TBR1: variants seen among roughly 807,000 people sequenced by gnomAD.
TBR1 encodes the protein T-box brain transcription factor 1, also known as T-box brain protein 1.
A neutral mutation model predicts 60.3 loss-of-function variants in TBR1; 7 were observed. The ratio of observed to expected loss-of-function variants is 0.12; its 90% CI spans 0.07 to 0.22. The LOEUF is 0.22. Among genes scored for constraint, TBR1 ranks in the 10% least tolerant of loss-of-function variants. The pLI is 1.00. For synonymous variants in TBR1, 417 were observed against 409.9 expected (o/e 1.02, Z -0.21); for missense variants, 616 against 936.8 (o/e 0.66, Z 4.47).
Position 161,423,934 on chromosome 2 carries a change from G to C in TBR1, c.1756G>C (p.Ala586Pro), listed in dbSNP as rs2105282735. 2 of 1,541,484 alleles carry C rather than the reference G, an allele frequency of 1.3e-6. No homozygotes were observed. Among genetic ancestry groups the C allele is most frequent in the East Asian group, 4.9e-5 (2 of 40,504 alleles). Residue 586 changes from alanine to proline, a missense_variant, in exon 6 of 6, where the codon GCC (alanine) becomes CCC (proline). Ala to Pro is a conservative substitution (Grantham distance 27). Coordinates refer to ENST00000389554, the MANE Select transcript of TBR1 (RefSeq NM_006593.4). ...AGANPYLGEE[A>P]EGLAAERSPL... ...CGCCAATCCCTACCTGGGCGAGGAG[G>C]CCGAGGGCCTGGCCGCCGAGCGCTC...
chr2:161,423,256 G>A (rs1237565227), intron 5 of TBR1, 113 bp from the exon 6 acceptor site: 12 of 709,490 alleles, frequency 1.7e-5, no homozygotes, highest in Non-Finnish European at 2.6e-5. Context: ...TGTAGATGGA[G>A]GGTGTGGGGG....
rs1221315498 is a variant in TBR1, at chr2:161,417,285, G to C, written c.692+183G>C. 3.0e-6 allele frequency: 2 copies of C among 660,246 alleles called. No individual in the cohort carries two copies. The highest frequency in any genetic ancestry group is 2.8e-5 in the East Asian group (1 of 35,406). The allele number at this position is 660,246 out of a possible 1,614,324, so 40.9% of individuals were successfully genotyped here. On this transcript the variant is annotated intron_variant, in intron 1 of 5. Transcript: ENST00000389554. This position sits in a 1 kb window ranked among gnomAD's most constrained non-coding sequence, Gnocchi z 5.3. ...ACCGCCAGGGTGATGTTGGTGGGGG[G>C]GACCCCGTTCTAGGAACATAGTGGG...
At chr2:161,423,326 G>T (rs750691918) in intron 5 of TBR1, 43 bp from the exon 6 acceptor site, 13 of 511,660 alleles carry the variant, frequency 2.5e-5, no homozygotes, top group Non-Finnish European at 2.8e-5. Context: ...AGGGACCTCC[G>T]CGCCACCCCT....
In TBR1 at chr2:161,424,472, A is replaced by C; in HGVS notation, c.*245A>C. On this transcript the variant is annotated 3_prime_UTR_variant, in exon 6 of 6. Coordinates refer to ENST00000389554, the MANE Select transcript of TBR1 (RefSeq NM_006593.4). This position sits in a 1 kb window ranked among gnomAD's most constrained non-coding sequence, Gnocchi z 4.4. ...TGTAAACCTTTTGGTTTTCCTACTT[A>C]CTCTTCTTCTGTGGAGTTATCCTCC... The C allele has an allele frequency of 3.2e-5, 15 of 467,558 alleles. No individual in the cohort carries two copies. The highest frequency in any genetic ancestry group is 1.1e-3 in the Middle Eastern group (2 of 1,796). 29.0% of individuals were successfully genotyped at this position (467,558 alleles called of 1,614,324 possible). A position where few individuals can be genotyped will look rare whatever the true frequency, so the allele number is the denominator to read the frequency against.
chr2:161,418,048 C>T, intron 2 of TBR1, 153 bp from the exon 3 acceptor site: 1 of 1,456,098 alleles, frequency 6.9e-7, no homozygotes, highest in Non-Finnish European at 9.0e-7. Flanking sequence ...AAAGAATGGC[C>T]TAAAAAAGCC....
At position 161,417,293 on chromosome 2, in the gene TBR1, T is replaced by C; in HGVS notation, c.692+191T>C. On this transcript the variant is annotated intron_variant, in intron 1 of 5. Transcript: ENST00000389554. The surrounding 1 kb of genome is among the most constrained non-coding windows in gnomAD (Gnocchi z 5.3). ...GGTGATGTTGGTGGGGGGGACCCCG[T>C]TCTAGGAACATAGTGGGAGAGCCAG... is the stretch of plus-strand genomic sequence containing the variant. 1.6e-6 allele frequency: 1 copy of C among 633,984 alleles called. No individual in the cohort carries two copies. The allele number at this position is 633,984 out of a possible 1,614,324, so 39.3% of individuals were successfully genotyped here.
chr2:161,422,286 T>C (rs959304847), intron 5 of TBR1: 8 of 152,260 alleles, frequency 5.3e-5, no homozygotes, highest in Non-Finnish European at 8.8e-5. Flanking sequence ...ATCCAACCCT[T>C]GGTTTCCTCT....
chr2:161,423,861 G>A lies in TBR1; in HGVS notation c.1683G>A (p.Val561=). The A allele has an allele frequency of 7.0e-7, 1 of 1,418,488 alleles. No individual in the cohort carries two copies. The highest frequency in any genetic ancestry group is 2.4e-4 in the Middle Eastern group (1 of 4,090). 87.9% of individuals were successfully genotyped at this position (1,418,488 alleles called of 1,614,324 possible). A position where few individuals can be genotyped will look rare whatever the true frequency, so the allele number is the denominator to read the frequency against. Residue 561 remains valine, a synonymous_variant, in exon 6 of 6, where the codon GTG becomes GTA. Transcript: ENST00000389554. ...PQYCGTKSGS[V]LPCWPNSAAA... is the part of the protein sequence containing the mutation. ...ACTGCGGCACCAAGTCGGGCTCGGT[G>A]CTGCCCTGCTGGCCCAACAGCGCCG...
intron 3 of TBR1, chr2:161,418,670 T>C (rs1684175243): frequency 1.6e-6 from 1 of 618,738 alleles, no homozygotes; most frequent in Non-Finnish European, 2.6e-6. Context: ...GGCTTCCCCC[T>C]TTTTTCCGGT....
chr2:161,420,300 G>A, intron 5 of TBR1, 43 bp downstream of exon 5: 1 of 1,539,842 alleles, frequency 6.5e-7, no homozygotes, highest in South Asian at 1.1e-5. Context: ...CTGTGGAATT[G>A]GGCTTTAGGT....
rs372064082 is a variant in TBR1, at chr2:161,416,382, G to A, written c.-29G>A. On this transcript the variant is annotated 5_prime_UTR_variant, in exon 1 of 6. Transcript: ENST00000389554. The surrounding 1 kb of genome is among the most constrained non-coding windows in gnomAD (Gnocchi z 6.1). ...AAATAGGACTTTAAAAACCAGGGAC[G>A]GGAGGGCGAGTGTTCAGGTTCTAGA... is the stretch of plus-strand genomic sequence containing the variant. 9.2e-6 allele frequency: 14 copies of A among 1,516,482 alleles called. No homozygotes were observed. The highest frequency in any genetic ancestry group is 1.2e-5 in the Non-Finnish European group (14 of 1,128,166). 93.9% of individuals were successfully genotyped at this position (1,516,482 alleles called of 1,614,324 possible).
intron 5 of TBR1, chr2:161,422,551 A>C (rs946089262): frequency 6.6e-6 from 1 of 152,256 alleles, no homozygotes; most frequent in African/African-American, 2.4e-5. Flanking sequence ...AGTACACTGT[A>C]GGTTTGCCCC....
In TBR1 at chr2:161,424,429, A is replaced by G; in HGVS notation, c.*202A>G. The stretch of plus-strand genomic sequence containing the variant: ...GCACAGCAGTCTCTGCAATTAGCTC[A>G]CCGACCTTCAACTTTGCTGTAAACC... On this transcript the variant is annotated 3_prime_UTR_variant, in exon 6 of 6. Transcript: ENST00000389554. The surrounding 1 kb of genome is among the most constrained non-coding windows in gnomAD (Gnocchi z 4.4). 1 of 593,682 alleles carries G rather than the reference A, an allele frequency of 1.7e-6. No individual in the cohort carries two copies. Among genetic ancestry groups the G allele is most frequent in the Non-Finnish European group, 2.9e-6 (1 of 345,628 alleles). 36.8% of individuals were successfully genotyped at this position (593,682 alleles called of 1,614,324 possible).
chr2:161,423,615 C>T lies in TBR1; in HGVS notation c.1437C>T (p.Pro479=). ...SPQQAEDPGA[P]SPQRWFVTPA... is the part of the protein sequence containing the mutation. The stretch of plus-strand genomic sequence containing the variant: ...AGCAGGCCGAGGACCCGGGCGCGCC[C>T]TCGCCGCAACGCTGGTTTGTGACGC... The change falls in exon 6 of 6, where the codon CCC becomes CCT. Residue 479 remains proline, a synonymous_variant. Transcript: ENST00000389554. 1 of 1,529,380 alleles carries T rather than the reference C, an allele frequency of 6.5e-7. No individual in the cohort carries two copies. The highest frequency in any genetic ancestry group is 8.7e-7 in the Non-Finnish European group (1 of 1,145,544). 94.7% of individuals were successfully genotyped at this position (1,529,380 alleles called of 1,614,324 possible).
intron 2 of TBR1, 160 bp from the exon 3 acceptor site, chr2:161,418,041 G>A (rs1684160463): frequency 6.9e-7 from 1 of 1,456,434 alleles, no homozygotes; most frequent in Admixed American, 2.8e-5. Flanking sequence ...TAGGAAGAAA[G>A]AATGGCCTAA....
At position 161,417,245 on chromosome 2, in the gene TBR1, A is replaced by G. The variant is rs1023948210; in HGVS notation, c.692+143A>G. The G allele has an allele frequency of 2.0e-5, 17 of 833,900 alleles. No homozygotes were observed. In the African/African-American group the frequency reaches 2.9e-4, roughly 14 times the overall value. The allele number at this position is 833,900 out of a possible 1,614,324, so 51.7% of individuals were successfully genotyped here. On this transcript the variant is annotated intron_variant, in intron 1 of 5. Coordinates refer to ENST00000389554, the MANE Select transcript of TBR1 (RefSeq NM_006593.4). This position sits in a 1 kb window ranked among gnomAD's most constrained non-coding sequence, Gnocchi z 5.3. ...GAGTTGGCTAGTTTTGGAAAGGGGGAAAGTGGAAGGGATAACCGCCAGGGT... is the reference window on the plus strand; with the variant it reads ...GAGTTGGCTAGTTTTGGAAAGGGGGGAAGTGGAAGGGATAACCGCCAGGGT...
Position 161,424,741 on chromosome 2 carries a change from G to A in TBR1, c.*514G>A, listed in dbSNP as rs1684295339. 2 of 153,552 alleles carry A rather than the reference G, an allele frequency of 1.3e-5. No individual in the cohort carries two copies. 9.5% of individuals were successfully genotyped at this position (153,552 alleles called of 1,614,324 possible). A position where few individuals can be genotyped will look rare whatever the true frequency, so the allele number is the denominator to read the frequency against. Reference sequence around the variant, plus strand: ...GGTAGGGATGTTAATAATTTTAGTGGAACAAAGCCTGTGAAATGATTGTAC... The same window carrying A: ...GGTAGGGATGTTAATAATTTTAGTGAAACAAAGCCTGTGAAATGATTGTAC... On this transcript the variant is annotated 3_prime_UTR_variant, in exon 6 of 6. Transcript: ENST00000389554. This position sits in a 1 kb window ranked among gnomAD's most constrained non-coding sequence, Gnocchi z 4.4.
chr2:161,416,769 C>T lies in TBR1; in HGVS notation c.359C>T (p.Pro120Leu). The T allele has an allele frequency of 1.9e-6, 3 of 1,614,198 alleles. No homozygotes were observed. The highest frequency in any genetic ancestry group is 2.5e-6 in the Non-Finnish European group (3 of 1,180,040). ...SSQPQSAATA[P>L]SAMFPYPGQH... is the part of the protein sequence containing the mutation. ...CAGCCACAGTCTGCGGCCACTGCTC[C>T]CAGTGCCATGTTCCCGTACCCCGGC... Residue 120 changes from proline to leucine, a missense_variant, in exon 1 of 6, where the codon CCC (proline) becomes CTC (leucine). Coordinates refer to ENST00000389554, the MANE Select transcript of TBR1 (RefSeq NM_006593.4). The surrounding 1 kb of genome is among the most constrained non-coding windows in gnomAD (Gnocchi z 6.1).
At chr2:161,420,414 T>G in intron 5 of TBR1, 157 bp downstream of exon 5, 2 of 189,142 alleles carry the variant, frequency 1.1e-5, no homozygotes, top group Non-Finnish European at 2.2e-5. Context: ...TTCTTCTTCC[T>G]CTTCTTTTTT....
Sources: gnomAD v4.1 joint callset for allele counts on GRCh38, gnomAD v4.1.1 for gene constraint, Gnocchi (gnomAD v3.1) non-coding constraint, MANE v1.5 for transcripts, NCBI Gene and HGNC (gene_info 2026-07-23, HGNC 2026-07-21) for gene names.